The following ASAP1 variants were observed in gnomAD, a reference collection of about 807,000 sequenced individuals.
ASAP1 encodes ArfGAP with SH3 domain, ankyrin repeat and PH domain 1, also known as arf-GAP with SH3 domain, ANK repeat and PH domain-containing protein 1.
Under a neutral mutation model 145.2 loss-of-function variants are expected in ASAP1, and 43 were observed. That is an observed-to-expected ratio of 0.30 (90% CI 0.23 to 0.38). The LOEUF (loss-of-function observed/expected upper bound fraction) is 0.38. Ranked by LOEUF, ASAP1 falls within the 10% of genes least tolerant of loss-of-function variation. ASAP1 has a pLI of 1.00. For missense variants in ASAP1, 1,018 were observed against 1,355.3 expected (o/e 0.75, Z 3.91); for synonymous variants, 546 against 515.5 (o/e 1.06, Z -0.80).
At chr8:130,073,582 T>C (rs2097455054) in intron 27 of ASAP1, among the ~76,000 whole-genome samples, 1 of 152,068 alleles carries the variant, frequency 6.6e-6, no homozygotes, top group South Asian at 2.1e-4. Flanking sequence ...GAACTGACAG[T>C]GCAGCGAGAG....
At position 130,124,039 on chromosome 8, in the gene ASAP1, T is replaced by C; in HGVS notation, c.1581A>G (p.Ser527=). ...DIMEANLPSP[S]PKPTPSSDMT... ...TATCACTTGAAGGGGTGGGTTTTGG[T>C]GAGGGGCTGGGTAAATTTGCTTCCA... The change falls in exon 18 of 30, where the codon TCA becomes TCG. Residue 527 remains serine, a synonymous_variant. Coordinates refer to ENST00000518721, the MANE Select transcript of ASAP1 (RefSeq NM_018482.4). 6.2e-7 allele frequency: 1 copy of C among 1,609,722 alleles called. No individual in the cohort carries two copies. Among genetic ancestry groups the C allele is most frequent in the Non-Finnish European group, 8.5e-7 (1 of 1,178,752 alleles).
intron 3 of ASAP1, among the ~76,000 whole-genome samples, chr8:130,353,156 C>G (rs1826098008): frequency 6.6e-6 from 1 of 152,166 alleles, no homozygotes; most frequent in Non-Finnish European, 1.5e-5. Flanking sequence ...AGAGTTTTAG[C>G]CTTATTTCTT....
intron 2 of ASAP1, among the ~76,000 whole-genome samples, chr8:130,373,738 T>C (rs973282531): frequency 6.6e-6 from 1 of 151,074 alleles, no homozygotes; most frequent in Non-Finnish European, 1.5e-5. Flanking sequence ...ATCCAGCTAC[T>C]TGGGAGGCTG....
intron 3 of ASAP1, among the ~76,000 whole-genome samples, chr8:130,346,676 A>G (rs1389406478): frequency 6.6e-6 from 1 of 151,616 alleles, no homozygotes; most frequent in Non-Finnish European, 1.5e-5. Context: ...ACTCTTACAC[A>G]CAAAATGCAG....
In ASAP1 at chr8:130,412,558, T is replaced by C. The variant is rs534147552; in HGVS notation, c.-27-10588A>G. On this transcript the variant is annotated intron_variant, in intron 1 of 29. Coordinates refer to ENST00000518721, the MANE Select transcript of ASAP1 (RefSeq NM_018482.4). ...AGCCATGAGCCAATTAAACCTCTTT[T>C]CTTTATAAATTACCCAGTCTCCGAT... 2.0e-5 allele frequency among the ~76,000 whole-genome samples: 3 copies of C among 152,220 alleles called. No homozygotes were observed. In the South Asian group the frequency reaches 6.2e-4, roughly 32 times the overall value.
chr8:130,226,716 A>G (rs1430800416), intron 4 of ASAP1, among the ~76,000 whole-genome samples: 11 of 152,204 alleles, frequency 7.2e-5, no homozygotes, highest in Admixed American at 7.2e-4. Flanking sequence ...AAGATACTCA[A>G]AGAGTTCCAC....
intron 4 of ASAP1, among the ~76,000 whole-genome samples, chr8:130,227,361 T>A (rs1451240000): frequency 1.3e-5 from 2 of 152,090 alleles, no homozygotes; most frequent in Non-Finnish European, 2.9e-5. Flanking sequence ...CTGGCAATTC[T>A]CCCACCTCAG....
intron 20 of ASAP1, among the ~76,000 whole-genome samples, chr8:130,117,240 G>C (rs1004633743): frequency 6.6e-6 from 1 of 152,174 alleles, no homozygotes; most frequent in African/African-American, 2.4e-5. Flanking sequence ...TTAGTTCATT[G>C]AATCTTTACA....
chr8:130,287,504 G>A (rs556033531), intron 3 of ASAP1, among the ~76,000 whole-genome samples: 6 of 152,144 alleles, frequency 3.9e-5, no homozygotes, highest in Non-Finnish European at 7.4e-5. Flanking sequence ...ACTGATTTTT[G>A]GGGGGAGGCC....
chr8:130,373,604 T>C (rs544738800), intron 2 of ASAP1, among the ~76,000 whole-genome samples: 1 of 152,216 alleles, frequency 6.6e-6, no homozygotes, highest in African/African-American at 2.4e-5. Context: ...ATCCCAGCAC[T>C]TTGGGAGGCC....
At chr8:130,103,232 T>C (rs1412947746) in intron 24 of ASAP1, among the ~76,000 whole-genome samples, 1 of 152,134 alleles carries the variant, frequency 6.6e-6, no homozygotes, top group Non-Finnish European at 1.5e-5. Context: ...TACAATGACC[T>C]TTGTATTTTT....
At chr8:130,443,344 GC>G (rs944595016) in intron 1 of ASAP1, 115 bp downstream of exon 1, 18 of 151,722 alleles carry the variant, frequency 1.2e-4, no homozygotes, top group African/African-American at 4.3e-4. Context: ...CCGGGAGCCC[GC>G]CCCGCGCCCC....
In ASAP1 at chr8:130,368,596, T is replaced by A. The variant is rs77041194; in HGVS notation, c.60-10453A>T. 8.1e-3 allele frequency among the ~76,000 whole-genome samples: 1,228 copies of A among 152,320 alleles called. 21 individuals carry two copies. The highest frequency in any genetic ancestry group is 0.028 in the African/African-American group (1,175 of 41,568). On this transcript the variant is annotated intron_variant, in intron 2 of 29. Transcript: ENST00000518721. ...GCAATGATGGGTACTAGAACAGGCATTTAACTCAAGCATGGCCAACCAGAA... is the reference window on the plus strand; with the variant it reads ...GCAATGATGGGTACTAGAACAGGCAATTAACTCAAGCATGGCCAACCAGAA...
At chr8:130,247,492 C>A (rs1260262647) in intron 3 of ASAP1, among the ~76,000 whole-genome samples, 1 of 151,546 alleles carries the variant, frequency 6.6e-6, no homozygotes, top group Non-Finnish European at 1.5e-5. Context: ...ACCCTTCAAC[C>A]TGACACAATG....
Position 130,092,019 on chromosome 8 carries a change from G to A in ASAP1, c.2526C>T (p.Pro842=), listed in dbSNP as rs903359283. ...PGHKRTLSDP[P]SPLPHGPPNK... ...TTGGGGGCCCATGAGGTAGTGGGCT[G>A]GGAGGGTCGGATAGGGTTCTCTTGT... Residue 842 remains proline, a synonymous_variant, in exon 25 of 30, where the codon CCC becomes CCT. Coordinates refer to ENST00000518721, the MANE Select transcript of ASAP1 (RefSeq NM_018482.4). 1.3e-6 allele frequency: 2 copies of A among 1,572,116 alleles called. No homozygotes were observed. Among genetic ancestry groups the A allele is most frequent in the African/African-American group, 2.8e-5 (2 of 71,238 alleles).
intron 29 of ASAP1, among the ~76,000 whole-genome samples, chr8:130,055,062 G>A (rs1357491647): frequency 1.3e-5 from 2 of 152,164 alleles, no homozygotes; most frequent in African/African-American, 2.4e-5. Flanking sequence ...AACCCCCTGA[G>A]GTGGATATTT....
intron 25 of ASAP1, among the ~76,000 whole-genome samples, chr8:130,088,320 G>A (rs1465365210): frequency 6.6e-6 from 1 of 152,020 alleles, no homozygotes; most frequent in African/African-American, 2.4e-5. Context: ...AGTAGAGATG[G>A]GGTTTCTCCA....
intron 5 of ASAP1, among the ~76,000 whole-genome samples, chr8:130,204,974 T>C (rs1046627074): frequency 6.6e-5 from 10 of 152,158 alleles, no homozygotes; most frequent in Admixed American, 5.9e-4. Context: ...AAAATAAAAA[T>C]AATGAAAACT....
In ASAP1 at chr8:130,367,946, G is replaced by C. The variant is rs554459230; in HGVS notation, c.60-9803C>G. On this transcript the variant is annotated intron_variant, in intron 2 of 29. Transcript: ENST00000518721. ...TCAAATGTAGGGCATTGCTCCACTTGAAACAGGAAAACTGCCCGCCCACTG... is the reference window on the plus strand; with the variant it reads ...TCAAATGTAGGGCATTGCTCCACTTCAAACAGGAAAACTGCCCGCCCACTG... Among the ~76,000 whole-genome samples, 5 of 152,222 alleles carry C rather than the reference G, an allele frequency of 3.3e-5. 1 individual carries two copies. The highest frequency in any genetic ancestry group is 1.2e-4 in the African/African-American group (5 of 41,552).
Sources: gnomAD v4.1 joint callset for allele counts (sites outside exome capture counted in the v4.1 genomes callset) on GRCh38, gnomAD v4.1.1 for gene constraint, MANE v1.5 for transcripts, NCBI Gene and HGNC (gene_info 2026-07-23, HGNC 2026-07-21) for gene names.